Variants in NR3C2 observed in about 807,000 individuals in gnomAD.
NR3C2 encodes nuclear receptor subfamily 3 group C member 2, also known as mineralocorticoid receptor.
A neutral mutation model predicts 86.4 loss-of-function variants in NR3C2; 15 were observed. The ratio of observed to expected loss-of-function variants is 0.17; its 90% CI spans 0.12 to 0.27. The LOEUF (loss-of-function observed/expected upper bound fraction) is 0.27, where lower values mean the gene tolerates loss of function less well. Among genes scored for constraint, NR3C2 ranks in the 10% least tolerant of loss-of-function variants. The pLI is 1.00. For synonymous variants in NR3C2, 458 were observed against 450.5 expected (o/e 1.02, Z -0.21); for missense variants, 960 against 1,195.6 (o/e 0.80, Z 2.91).
intron 1 of NR3C2, among the ~76,000 whole-genome samples, chr4:148,441,095 C>T (rs921794130): frequency 2.0e-5 from 3 of 152,182 alleles, no homozygotes; most frequent in African/African-American, 2.4e-5. Context: ...TGCCCAAGGT[C>T]ACCTGAGAGA....
At chr4:148,279,111 C>T (rs1022743562) in intron 2 of NR3C2, among the ~76,000 whole-genome samples, 10 of 152,072 alleles carry the variant, frequency 6.6e-5, no homozygotes, top group African/African-American at 2.2e-4. Context: ...TGCAGTGAGC[C>T]GAGATTTCAC....
intron 6 of NR3C2, among the ~76,000 whole-genome samples, chr4:148,139,277 C>T (rs1346401790): frequency 6.6e-6 from 1 of 152,182 alleles, no homozygotes; most frequent in Admixed American, 6.5e-5. Flanking sequence ...TAGACAGACA[C>T]CTGTGTTCAA....
intron 2 of NR3C2, among the ~76,000 whole-genome samples, chr4:148,281,287 C>T (rs150913706): frequency 0.01 from 1,527 of 152,204 alleles, 25 homozygotes; most frequent in African/African-American, 0.035. Flanking sequence ...TGCAGTTATA[C>T]GTAAATGCAG....
chr4:148,291,986 T>C (rs1271137655), intron 2 of NR3C2, among the ~76,000 whole-genome samples: 1 of 152,152 alleles, frequency 6.6e-6, no homozygotes, highest in African/African-American at 2.4e-5. Context: ...AATATTGTAC[T>C]GCAAGTGAAA....
At chr4:148,092,286 G>A (rs934262514) in intron 8 of NR3C2, among the ~76,000 whole-genome samples, 1 of 152,086 alleles carries the variant, frequency 6.6e-6, no homozygotes, top group African/African-American at 2.4e-5. Flanking sequence ...TTGGAGCCTG[G>A]TGACCCCACT....
At chr4:148,261,360 AGCGCTATGGT>A (rs1192784749) in intron 2 of NR3C2, among the ~76,000 whole-genome samples, 3 of 140,122 alleles carry the variant, frequency 2.1e-5, no homozygotes, top group East Asian at 4.9e-4. Flanking sequence ...CGCTATGGTA[AGCGCTATGGT>A]GCGCTATGGT....
intron 2 of NR3C2, among the ~76,000 whole-genome samples, chr4:148,305,650 G>A (rs1283090425): frequency 6.6e-6 from 1 of 152,004 alleles, no homozygotes; most frequent in Non-Finnish European, 1.5e-5. Context: ...CTGCAGTTGT[G>A]CACATAAAAA....
intron 2 of NR3C2, among the ~76,000 whole-genome samples, chr4:148,302,175 T>C (rs1467663188): frequency 6.6e-6 from 1 of 152,224 alleles, no homozygotes; most frequent in African/African-American, 2.4e-5. Context: ...ATGTTTCTGA[T>C]AACTTGGGAG....
rs1187523594 is a variant in NR3C2, at chr4:148,320,244, A to G, written c.1758-60127T>C. 4.2e-5 allele frequency among the ~76,000 whole-genome samples: 3 copies of G among 71,338 alleles called. 1 individual carries two copies. The highest frequency in any genetic ancestry group is 7.6e-5 in the Non-Finnish European group (3 of 39,508). 46.8% of individuals were successfully genotyped at this position (71,338 alleles called of 152,430 possible). On this transcript the variant is annotated intron_variant, in intron 2 of 8. Transcript: ENST00000358102. ...GATGAAGCCCACTTGATCATGGTGG[A>G]TAAGTTTTTGATGTGCTGCTGGATT... is the stretch of plus-strand genomic sequence containing the variant.
chr4:148,115,206 A>T (rs1049111714), intron 7 of NR3C2, among the ~76,000 whole-genome samples: 3 of 152,192 alleles, frequency 2.0e-5, no homozygotes, highest in African/African-American at 7.2e-5. Context: ...AAAAAAATTC[A>T]CTTAAAAGGA....
At chr4:148,139,482 C>T (rs1044475120) in intron 6 of NR3C2, among the ~76,000 whole-genome samples, 5 of 152,308 alleles carry the variant, frequency 3.3e-5, no homozygotes, top group Middle Eastern at 3.4e-3. Flanking sequence ...CACTATAGTG[C>T]CCAGGTAAGT....
intron 3 of NR3C2, among the ~76,000 whole-genome samples, chr4:148,253,733 T>C (rs1739687413): frequency 6.6e-6 from 1 of 152,202 alleles, no homozygotes; most frequent in African/African-American, 2.4e-5. Context: ...AATGGTTTTT[T>C]TCCCCCATAG....
chr4:148,393,636 C>T (rs1747704810), intron 2 of NR3C2, among the ~76,000 whole-genome samples: 1 of 152,078 alleles, frequency 6.6e-6, no homozygotes. Flanking sequence ...CCCGGTATTA[C>T]CAGGATTTCC....
intron 4 of NR3C2, among the ~76,000 whole-genome samples, chr4:148,175,068 G>A (rs1376781571): frequency 6.6e-6 from 1 of 152,146 alleles, no homozygotes; most frequent in Non-Finnish European, 1.5e-5. Context: ...ACATTAACTT[G>A]AAACATCGTA....
At chr4:148,286,696 T>G (rs1741539503) in intron 2 of NR3C2, among the ~76,000 whole-genome samples, 1 of 152,178 alleles carries the variant, frequency 6.6e-6, no homozygotes, top group Non-Finnish European at 1.5e-5. Context: ...ACAGCCTTTT[T>G]TAAGGCAAGG....
At chr4:148,269,654 A>C (rs1167987576) in intron 2 of NR3C2, among the ~76,000 whole-genome samples, 2 of 152,082 alleles carry the variant, frequency 1.3e-5, no homozygotes, top group Admixed American at 1.3e-4. Context: ...CCCCCCCAAA[A>C]AAACAAAACA....
At chr4:148,113,063 A>C (rs774129958) in intron 8 of NR3C2, among the ~76,000 whole-genome samples, 14 of 152,150 alleles carry the variant, frequency 9.2e-5, no homozygotes, top group Non-Finnish European at 1.9e-4. Context: ...CTGCTTGCAA[A>C]ATAAAACAAG....
chr4:148,413,242 T>C (rs1748800231), intron 2 of NR3C2, among the ~76,000 whole-genome samples: 1 of 152,146 alleles, frequency 6.6e-6, no homozygotes, highest in Non-Finnish European at 1.5e-5. Context: ...TAGGGAATCA[T>C]CCCTATCACT....
At chr4:148,428,824 C>A (rs1211864655) in intron 2 of NR3C2, among the ~76,000 whole-genome samples, 1 of 152,172 alleles carries the variant, frequency 6.6e-6, no homozygotes, top group East Asian at 1.9e-4. Context: ...ATCCACCCTA[C>A]AAACACACTG....
Sources: allele counts gnomAD v4.1 joint callset (sites outside exome capture counted in the v4.1 genomes callset), GRCh38; gene constraint gnomAD v4.1.1; transcripts MANE v1.5; gene names NCBI Gene and HGNC (gene_info 2026-07-23, HGNC 2026-07-21).